Variants in DYRK1A observed in about 807,000 individuals in gnomAD.
The protein encoded by DYRK1A is dual specificity tyrosine-phosphorylation-regulated kinase 1A.
DYRK1A carries 9 observed loss-of-function variants against 79.7 expected under a neutral mutation model. The ratio of observed to expected loss-of-function variants is 0.11; its 90% CI spans 0.07 to 0.20. The LOEUF (loss-of-function observed/expected upper bound fraction) is 0.20. Among genes scored for constraint, DYRK1A ranks in the 10% least tolerant of loss-of-function variants. The pLI is 1.00. For synonymous variants in DYRK1A, 349 were observed against 329.7 expected (o/e 1.06, Z -0.63); for missense variants, 622 against 956.0 (o/e 0.65, Z 4.61).
At chr21:37,441,298 C>T (rs114218120) in intron 2 of DYRK1A, among the ~76,000 whole-genome samples, 1,774 of 152,206 alleles carry the variant, frequency 0.012, 18 homozygotes, top group Middle Eastern at 0.041. Context: ...TTCTTACAGA[C>T]ACATATAGTT....
rs56031299 is a variant in DYRK1A, at chr21:37,495,824, T to G, written c.1072-294T>G. Among the ~76,000 whole-genome samples, 12,369 of 152,122 alleles carry G rather than the reference T, an allele frequency of 0.081. 1,708 individuals are homozygous for G. Among genetic ancestry groups the G allele is most frequent in the African/African-American group, 0.28 (11,656 of 41,440 alleles). ...AATAAAAAAAATTTTTTTAATAAAA[T>G]TCTCCCAAAACAGAAACTTTAAAAC... On this transcript the variant is annotated intron_variant, in intron 8 of 11. Transcript: ENST00000647188.
chr21:37,408,939 G>C (rs970717475), intron 1 of DYRK1A, among the ~76,000 whole-genome samples: 4 of 152,214 alleles, frequency 2.6e-5, no homozygotes, highest in Admixed American at 1.3e-4. Context: ...GTTACCTGCA[G>C]TTCAGGGCAG....
intron 2 of DYRK1A, among the ~76,000 whole-genome samples, chr21:37,465,338 T>G (rs757026098): frequency 3.3e-5 from 5 of 152,238 alleles, no homozygotes; most frequent in South Asian, 2.1e-4. Context: ...GGAATGTGTA[T>G]TATTCTCCCT....
At chr21:37,484,315 C>G (rs188285147) in intron 5 of DYRK1A, among the ~76,000 whole-genome samples, 105 of 149,824 alleles carry the variant, frequency 7.0e-4, no homozygotes, top group African/African-American at 2.2e-3. Flanking sequence ...TGGGCAGTTG[C>G]ACTCAATAGG....
At chr21:37,489,633 T>TAA (rs58419137) in intron 6 of DYRK1A, among the ~76,000 whole-genome samples, 43,517 of 143,392 alleles carry the variant, frequency 0.3, 6,374 homozygotes, top group South Asian at 0.41. Flanking sequence ...GCCTAAAGGG[T>TAA]AAAAAAAAAA....
chr21:37,381,443 G>C (rs1466123621), intron 1 of DYRK1A, among the ~76,000 whole-genome samples: 1 of 152,176 alleles, frequency 6.6e-6, no homozygotes, highest in African/African-American at 2.4e-5. Context: ...TATTAAAGGA[G>C]TGTATAATTG....
chr21:37,461,336 CTGTCCTTTGTGCTGTGA>C (rs1050913272), intron 2 of DYRK1A, among the ~76,000 whole-genome samples: 2 of 152,178 alleles, frequency 1.3e-5, no homozygotes, highest in Admixed American at 1.3e-4. Context: ...TTTATTTCTC[CTGTCCTTTGTGCTGTGA>C]TTGTTTTATT....
In DYRK1A at chr21:37,457,029, CTTACTTACTTATTTATTTATTTAT is replaced by C. The variant is rs1227590055; in HGVS notation, c.11-15651_11-15628del. Among the ~76,000 whole-genome samples the C allele has an allele frequency of 3.3e-3, 287 of 87,838 alleles. 2 individuals carry two copies. Among genetic ancestry groups the C allele is most frequent in the South Asian group, 9.3e-3 (25 of 2,696 alleles). 57.6% of individuals were successfully genotyped at this position (87,838 alleles called of 152,430 possible). A position where few individuals can be genotyped will look rare whatever the true frequency, so the allele number is the denominator to read the frequency against. Reference sequence around the variant, plus strand: ...AAAAGAAAATTTACTTACTTACTTACTTACTTACTTATTTATTTATTTATTTATTTATTTATTTATTTATTTATT... The same window carrying C: ...AAAAGAAAATTTACTTACTTACTTACTTATTTATTTATTTATTTATTTATT... On this transcript the variant is annotated intron_variant, in intron 2 of 11. Coordinates refer to ENST00000647188, the MANE Select transcript of DYRK1A (RefSeq NM_001347721.2).
chr21:37,460,045 T>C (rs1205285737), intron 2 of DYRK1A, among the ~76,000 whole-genome samples: 1 of 152,168 alleles, frequency 6.6e-6, no homozygotes, highest in African/African-American at 2.4e-5. Context: ...TGTTTGTGAG[T>C]ATTTTGTATA....
At chr21:37,505,633 T>C in intron 10 of DYRK1A, 44 bp downstream of exon 10, 1 of 1,517,732 alleles carries the variant, frequency 6.6e-7, no homozygotes, top group Non-Finnish European at 8.8e-7. Context: ...ATGTTTTGTG[T>C]TTTCTTTATG....
At chr21:37,458,594 C>T (rs1298926060) in intron 2 of DYRK1A, among the ~76,000 whole-genome samples, 2 of 151,994 alleles carry the variant, frequency 1.3e-5, no homozygotes, top group East Asian at 1.9e-4. Flanking sequence ...GTAAGAAGAC[C>T]GGGTTATTTG....
At chr21:37,457,896 C>G (rs1252702114) in intron 2 of DYRK1A, among the ~76,000 whole-genome samples, 1 of 152,172 alleles carries the variant, frequency 6.6e-6, no homozygotes, top group Non-Finnish European at 1.5e-5. Context: ...AGGTAAAGAT[C>G]AGGGAAGGCA....
intron 2 of DYRK1A, among the ~76,000 whole-genome samples, chr21:37,463,936 G>T (rs923823294): frequency 4.6e-5 from 7 of 151,998 alleles, no homozygotes; most frequent in African/African-American, 1.7e-4. Flanking sequence ...TTTACTTTTT[G>T]TTCTTTAATA....
At chr21:37,404,977 C>T (rs1433948737) in intron 1 of DYRK1A, among the ~76,000 whole-genome samples, 1 of 152,072 alleles carries the variant, frequency 6.6e-6, no homozygotes, top group Non-Finnish European at 1.5e-5. Flanking sequence ...CGTCATGATT[C>T]CAGAATACAG....
intron 2 of DYRK1A, among the ~76,000 whole-genome samples, chr21:37,459,448 T>C (rs1160309012): frequency 5.9e-5 from 9 of 152,198 alleles, no homozygotes; most frequent in Non-Finnish European, 1.2e-4. Flanking sequence ...TCTTTAGGGC[T>C]ACTAACCTGG....
intron 1 of DYRK1A, among the ~76,000 whole-genome samples, chr21:37,387,109 A>C (rs2049775738): frequency 6.6e-6 from 1 of 152,214 alleles, no homozygotes; most frequent in African/African-American, 2.4e-5. Context: ...GTGGGTTCTG[A>C]ACAAAATTAG....
At chr21:37,457,029 CTTACTTACTTATTTAT>C (rs531314844) in intron 2 of DYRK1A, among the ~76,000 whole-genome samples, 3,376 of 87,454 alleles carry the variant, frequency 0.039, 62 homozygotes, top group Non-Finnish European at 0.046. Context: ...TACTTACTTA[CTTACTTACTTATTTAT>C]TTATTTATTT....
At position 37,523,726 on chromosome 21, in the gene DYRK1A, A is replaced by G. The variant is rs541446135; in HGVS notation, c.*11195A>G. ...TTCACATTTTACATGGCTGAAAAAC[A>G]TCAAATGATATTTCAGGACATAGGG... On this transcript the variant is annotated 3_prime_UTR_variant, in exon 12 of 12. Transcript: ENST00000647188. 94 of 152,362 alleles carry G rather than the reference A, an allele frequency of 6.2e-4. No homozygotes were observed. The highest frequency in any genetic ancestry group is 1.9e-3 in the African/African-American group (78 of 41,592). 9.4% of individuals were successfully genotyped at this position (152,362 alleles called of 1,614,324 possible).
chr21:37,437,295 A>C (rs950682315), intron 2 of DYRK1A, among the ~76,000 whole-genome samples: 14 of 152,154 alleles, frequency 9.2e-5, no homozygotes, highest in Non-Finnish European at 1.8e-4. Context: ...CATTTCTTTG[A>C]TTTTTAAAAT....
Sources: gnomAD v4.1 joint callset for allele counts (sites outside exome capture counted in the v4.1 genomes callset) on GRCh38, gnomAD v4.1.1 for gene constraint, MANE v1.5 for transcripts, NCBI Gene and HGNC (gene_info 2026-07-23, HGNC 2026-07-21) for gene names.